SPTBN1: variants seen among roughly 807,000 people sequenced by gnomAD.
The protein encoded by SPTBN1 is spectrin beta chain, non-erythrocytic 1.
SPTBN1 carries 32 observed loss-of-function variants against 266.4 expected under a neutral mutation model. The observed-to-expected ratio is 0.12, with a 90% CI of 0.09 to 0.16. The LOEUF (loss-of-function observed/expected upper bound fraction) is 0.16. Among genes scored for constraint, SPTBN1 ranks in the 10% least tolerant of loss-of-function variants. The pLI, the probability that SPTBN1 is intolerant of heterozygous loss-of-function variation, is 1.00. For missense variants in SPTBN1, 2,296 were observed against 3,067.1 expected (o/e 0.75, Z 5.94); for synonymous variants, 1,336 against 1,162.2 (o/e 1.15, Z -3.04).
intron 1 of SPTBN1, among the ~76,000 whole-genome samples, chr2:54,499,893 T>G (rs1669160077): frequency 6.6e-6 from 1 of 152,198 alleles, no homozygotes. Context: ...TTTGTTAAAG[T>G]TGAAAAAGCA....
At chr2:54,561,147 T>C (rs1673271785) in intron 2 of SPTBN1, among the ~76,000 whole-genome samples, 1 of 152,218 alleles carries the variant, frequency 6.6e-6, no homozygotes, top group African/African-American at 2.4e-5. Context: ...TATTGGGTTT[T>C]TTGTTTTCGT....
chr2:54,551,674 C>T (rs1672572825), intron 2 of SPTBN1, among the ~76,000 whole-genome samples: 1 of 151,898 alleles, frequency 6.6e-6, no homozygotes, highest in Non-Finnish European at 1.5e-5. Context: ...ACCAGCTTTG[C>T]CCTGTTATTT....
At chr2:54,522,632 A>AAAAG (rs751437585) in intron 1 of SPTBN1, among the ~76,000 whole-genome samples, 1 of 93,664 alleles carries the variant, frequency 1.1e-5, no homozygotes, top group East Asian at 2.9e-4. Context: ...CTCTGTCTCA[A>AAAAG]AAAGAAAGAA....
At chr2:54,536,430 G>T (rs1361223024) in intron 2 of SPTBN1, among the ~76,000 whole-genome samples, 1 of 152,180 alleles carries the variant, frequency 6.6e-6, no homozygotes, top group Non-Finnish European at 1.5e-5. Flanking sequence ...GAAAATTGAT[G>T]CTAGGTAGAT....
chr2:54,479,889 C>T (rs1668015478), intron 1 of SPTBN1, among the ~76,000 whole-genome samples: 1 of 151,144 alleles, frequency 6.6e-6, no homozygotes, highest in Admixed American at 6.6e-5. Flanking sequence ...GAGGCAAGGT[C>T]TCACTGTGTT....
intron 2 of SPTBN1, among the ~76,000 whole-genome samples, chr2:54,595,648 G>T (rs1240014324): frequency 2.0e-5 from 3 of 152,222 alleles, no homozygotes; most frequent in African/African-American, 7.2e-5. Flanking sequence ...CATTTCTGCT[G>T]CCTTCGAGCT....
At chr2:54,486,113 C>T (rs1358409517) in intron 1 of SPTBN1, among the ~76,000 whole-genome samples, 21 of 147,668 alleles carry the variant, frequency 1.4e-4, no homozygotes, top group Non-Finnish European at 2.2e-4. Flanking sequence ...GTCAGCCCCA[C>T]GCCCGGCCAG....
chr2:54,563,020 C>T (rs1263286779), intron 2 of SPTBN1, among the ~76,000 whole-genome samples: 1 of 152,086 alleles, frequency 6.6e-6, no homozygotes. Flanking sequence ...TATAACATAC[C>T]TGTGAAGTTT....
At chr2:54,595,643 C>T (rs571636381) in intron 2 of SPTBN1, among the ~76,000 whole-genome samples, 3 of 152,246 alleles carry the variant, frequency 2.0e-5, no homozygotes, top group African/African-American at 7.2e-5. Context: ...CCGGCCATTT[C>T]TGCTGCCTTC....
At chr2:54,494,366 A>G (rs1249422583) in intron 1 of SPTBN1, among the ~76,000 whole-genome samples, 1 of 152,214 alleles carries the variant, frequency 6.6e-6, no homozygotes, top group East Asian at 1.9e-4. Flanking sequence ...TTACCCAGAC[A>G]TTCAATTCCG....
At chr2:54,631,656 C>T (rs1167413722) in intron 16 of SPTBN1, 45 bp downstream of exon 16, 1 of 1,570,308 alleles carries the variant, frequency 6.4e-7, no homozygotes, top group African/African-American at 1.3e-5. Flanking sequence ...GAAAGCAGCC[C>T]TGGCTGCCTT....
intron 1 of SPTBN1, among the ~76,000 whole-genome samples, chr2:54,467,379 A>C (rs1693689315): frequency 6.6e-6 from 1 of 152,162 alleles, no homozygotes; most frequent in African/African-American, 2.4e-5. Context: ...TGAAACCTGT[A>C]AACATAGGAG....
intron 2 of SPTBN1, among the ~76,000 whole-genome samples, chr2:54,583,228 G>T (rs969557192): frequency 6.6e-6 from 1 of 152,018 alleles, no homozygotes; most frequent in African/African-American, 2.4e-5. Context: ...ACAGTGCTTT[G>T]CTTGATCCTC....
At chr2:54,471,113 G>GT (rs1450297047) in intron 1 of SPTBN1, among the ~76,000 whole-genome samples, 1 of 152,164 alleles carries the variant, frequency 6.6e-6, no homozygotes, top group Non-Finnish European at 1.5e-5. Context: ...ATTAGGTGGG[G>GT]TGGCTCATGC....
At chr2:54,457,209 C>G (rs1558741037) in intron 1 of SPTBN1, 1 of 144,230 alleles carries the variant, frequency 6.9e-6, no homozygotes, top group African/African-American at 2.5e-5. Context: ...CGTGAGCCGC[C>G]TCCGGGCGCC....
intron 1 of SPTBN1, among the ~76,000 whole-genome samples, chr2:54,504,848 A>G (rs1178964851): frequency 1.3e-5 from 2 of 152,200 alleles, no homozygotes; most frequent in African/African-American, 4.8e-5. Flanking sequence ...TGGTTTAGTG[A>G]TAAATATTTC....
At chr2:54,505,941 G>A (rs982018761) in intron 1 of SPTBN1, among the ~76,000 whole-genome samples, 2 of 151,824 alleles carry the variant, frequency 1.3e-5, no homozygotes, top group African/African-American at 4.8e-5. Flanking sequence ...TGGCTAACAC[G>A]GTGAAACCCC....
chr2:54,649,171 A>C lies in SPTBN1; in HGVS notation c.5183A>C (p.Gln1728Pro). Residue 1728 changes from glutamine (Q) to proline (P), a missense_variant, in exon 25 of 36, where the codon CAG (glutamine) becomes CCG (proline). Transcript: ENST00000356805. This position sits in a 1 kb window ranked among gnomAD's most constrained non-coding sequence, Gnocchi z 6.7. ...GTCGCAGGGTCCCATGAACTGGGAC[A>C]GGACTATGAGCATGTCACGGCAAGT... ...EVVAGSHELGQDYEHVTMLQE... is the reference protein window; with the variant it reads ...EVVAGSHELGPDYEHVTMLQE... 1.2e-6 allele frequency: 2 copies of C among 1,604,002 alleles called. No homozygotes were observed. Among genetic ancestry groups the C allele is most frequent in the Non-Finnish European group, 1.7e-6 (2 of 1,172,326 alleles).
intron 2 of SPTBN1, among the ~76,000 whole-genome samples, chr2:54,539,960 AT>A (rs1026003520): frequency 2.9e-4 from 44 of 152,332 alleles, no homozygotes; most frequent in African/African-American, 1.0e-3. Flanking sequence ...TTGGCGGGTA[AT>A]TAGGTCATGA....
Sources: allele counts gnomAD v4.1 joint callset (sites outside exome capture counted in the v4.1 genomes callset), GRCh38; gene constraint gnomAD v4.1.1; non-coding constraint Gnocchi (gnomAD v3.1); transcripts MANE v1.5; gene names NCBI Gene and HGNC (gene_info 2026-07-23, HGNC 2026-07-21).